Variants in MUSK observed in about 807,000 individuals in gnomAD.
The protein encoded by MUSK is muscle, skeletal receptor tyrosine-protein kinase.
Under a neutral mutation model 88.7 loss-of-function variants are expected in MUSK, and 55 were observed. That is an observed-to-expected ratio of 0.62 (90% CI 0.50 to 0.78). The LOEUF (loss-of-function observed/expected upper bound fraction) is 0.78, where lower values mean the gene tolerates loss of function less well. MUSK is among the 30% of genes least tolerant of loss of function. The pLI, the probability that MUSK is intolerant of heterozygous loss-of-function variation, is 0.00. For missense variants in MUSK, 1,015 were observed against 1,074.3 expected, an observed-to-expected ratio of 0.94 and a Z score of 0.77; for synonymous variants, 387 against 391.9, an observed-to-expected ratio of 0.99 and a Z score of 0.15.
chr9:110,718,570 A>C (rs1273620222), intron 5 of MUSK, among the ~76,000 whole-genome samples: 1 of 152,126 alleles, frequency 6.6e-6, no homozygotes. Context: ...AGCCTCCAAG[A>C]AGTTTAGGAC....
chr9:110,756,841 G>C (rs183792300), intron 7 of MUSK, among the ~76,000 whole-genome samples: 1 of 150,022 alleles, frequency 6.7e-6, no homozygotes. Context: ...ATGTCAAGTT[G>C]TATGTGTGTG....
At chr9:110,764,053 G>C (rs2077438996) in intron 8 of MUSK, among the ~76,000 whole-genome samples, 1 of 152,180 alleles carries the variant, frequency 6.6e-6, no homozygotes, top group Non-Finnish European at 1.5e-5. Flanking sequence ...TGAAAGAGAA[G>C]TCAACTGAGT....
chr9:110,684,103 C>T (rs1258195613), intron 2 of MUSK, among the ~76,000 whole-genome samples: 1 of 152,028 alleles, frequency 6.6e-6, no homozygotes, highest in African/African-American at 2.4e-5. Flanking sequence ...GGAGTAGTTT[C>T]ATAGATTGAA....
chr9:110,778,464 C>T (rs551128466), intron 11 of MUSK, among the ~76,000 whole-genome samples: 1 of 152,178 alleles, frequency 6.6e-6, no homozygotes, highest in South Asian at 2.1e-4. Context: ...TTCCTTCCAT[C>T]TTTGCTCTTT....
At position 110,802,811 on chromosome 9, in the gene MUSK, C is replaced by T. The variant is rs2078113331; in HGVS notation, c.*1823C>T. On this transcript the variant is annotated 3_prime_UTR_variant, in exon 15 of 15. Coordinates refer to ENST00000374448, the MANE Select transcript of MUSK (RefSeq NM_005592.4). ...AGGATACAACGACAGTAAGGCGGTC[C>T]TTAGTCACAGTTCTGGTTCATAAAT... Among the ~76,000 whole-genome samples the T allele has an allele frequency of 2.6e-5, 4 of 152,160 alleles. No individual in the cohort carries two copies. In the South Asian group the frequency reaches 8.3e-4, roughly 32 times the overall value.
intron 7 of MUSK, chr9:110,748,124 C>T (rs1015916739): frequency 6.9e-5 from 29 of 420,722 alleles, no homozygotes; most frequent in African/African-American, 3.4e-4. Flanking sequence ...TTCCCTCCCT[C>T]GCTCCCTTTT....
intron 4 of MUSK, among the ~76,000 whole-genome samples, chr9:110,696,941 C>T (rs1195373694): frequency 6.6e-6 from 1 of 151,290 alleles, no homozygotes; most frequent in Non-Finnish European, 1.5e-5. Context: ...TATGTCTCAC[C>T]ACCCCACTCT....
At chr9:110,765,176 T>C (rs1022077350) in intron 8 of MUSK, among the ~76,000 whole-genome samples, 15 of 152,190 alleles carry the variant, frequency 9.9e-5, no homozygotes, top group African/African-American at 2.7e-4. Context: ...AACAGCATCA[T>C]TGAATAGTTA....
chr9:110,711,619 G>A (rs1001634947), intron 5 of MUSK, among the ~76,000 whole-genome samples: 1 of 152,154 alleles, frequency 6.6e-6, no homozygotes, highest in Non-Finnish European at 1.5e-5. Flanking sequence ...ATAGAAGCTT[G>A]CAGAAGACCA....
At chr9:110,781,239 A>C (rs2077749465) in intron 11 of MUSK, among the ~76,000 whole-genome samples, 1 of 147,020 alleles carries the variant, frequency 6.8e-6, no homozygotes, top group Admixed American at 6.8e-5. Flanking sequence ...CATCCCACAC[A>C]CACGTTTGTG....
intron 6 of MUSK, among the ~76,000 whole-genome samples, chr9:110,740,800 G>A (rs2077087194): frequency 1.3e-5 from 2 of 152,108 alleles, no homozygotes; most frequent in Admixed American, 1.3e-4. Flanking sequence ...CGGAAGACTG[G>A]GAGTGAAGTT....
Position 110,687,240 on chromosome 9 carries a change from G to A in MUSK, c.330G>A (p.Glu110=). 6 of 1,613,870 alleles carry A rather than the reference G, an allele frequency of 3.7e-6. No individual in the cohort carries two copies. The highest frequency in any genetic ancestry group is 5.1e-6 in the Non-Finnish European group (6 of 1,179,818). The change falls in exon 3 of 15, where the codon GAG becomes GAA. Residue 110 remains glutamate, a synonymous_variant. Transcript: ENST00000374448. ...TANNGVGGAV[E]SCGALQVKMK... is the part of the protein sequence containing the mutation. ...ACAATGGTGTGGGAGGAGCTGTGGA[G>A]AGTTGTGGAGCCCTGCAAGTGAAGA...
At chr9:110,778,681 C>A in intron 11 of MUSK, among the ~76,000 whole-genome samples, 1 of 151,912 alleles carries the variant, frequency 6.6e-6, no homozygotes, top group East Asian at 1.9e-4. Context: ...AGGTGATAAG[C>A]CAGAATTTGA....
chr9:110,702,701 T>C (rs2076546655), intron 5 of MUSK, among the ~76,000 whole-genome samples: 1 of 151,938 alleles, frequency 6.6e-6, no homozygotes, highest in South Asian at 2.1e-4. Flanking sequence ...GAGACCAACC[T>C]GGGCGACATG....
At chr9:110,729,319 T>C (rs2076932699) in intron 5 of MUSK, among the ~76,000 whole-genome samples, 1 of 114,960 alleles carries the variant, frequency 8.7e-6, no homozygotes, top group Non-Finnish European at 1.8e-5. Flanking sequence ...ACAGTTTCTG[T>C]TTTCTGTAAA....
Position 110,783,169 on chromosome 9 carries a change from T to G in MUSK, c.1385-1646T>G, listed in dbSNP as rs2077791129. Among the ~76,000 whole-genome samples the G allele has an allele frequency of 3.9e-5, 6 of 152,210 alleles. No individual in the cohort carries two copies. The South Asian group carries it at 1.2e-3, about 32-fold the overall frequency. On this transcript the variant is annotated intron_variant, in intron 11 of 14. Coordinates refer to ENST00000374448, the MANE Select transcript of MUSK (RefSeq NM_005592.4). ...TTCTATTAAATCATTATTCTCTGACTATGATGTAGTCAGTTGCTAATATTT... is the reference window on the plus strand; with the variant it reads ...TTCTATTAAATCATTATTCTCTGACGATGATGTAGTCAGTTGCTAATATTT...
intron 3 of MUSK, among the ~76,000 whole-genome samples, chr9:110,694,969 A>T (rs1042452043): frequency 2.0e-5 from 3 of 152,132 alleles, no homozygotes; most frequent in Non-Finnish European, 4.4e-5. Flanking sequence ...GATGGAAGCT[A>T]AAGGGAAAAT....
chr9:110,738,406 C>A (rs1447721444), intron 6 of MUSK, among the ~76,000 whole-genome samples: 1 of 152,072 alleles, frequency 6.6e-6, no homozygotes, highest in Non-Finnish European at 1.5e-5. Flanking sequence ...TTCAGCAGAG[C>A]AAGTTCTTTT....
rs1167321143 is a variant in MUSK at position 110,775,961 on chromosome 9, T to G, written c.1358T>G (p.Leu453Arg). 2.5e-6 allele frequency: 4 copies of G among 1,608,696 alleles called. No homozygotes were observed. In the East Asian group the frequency reaches 6.7e-5, roughly 27 times the overall value. Residue 453 changes from leucine to arginine, a missense_variant and splice_region_variant, in exon 10 of 15, where the codon CTA becomes CGA. Physicochemically the swap from Leu to Arg is moderately radical, Grantham distance 102. Transcript: ENST00000374448. Reference protein sequence around the residue: ...DPTACARLPHLDYNKENLKTF... With the variant: ...DPTACARLPHRDYNKENLKTF... ...ACGGCCTGTGCCAGACTGCCACATC[T>G]AGGTAACACAGAGTTCTCCCAAGAC...
Sources: allele counts gnomAD v4.1 joint callset (sites outside exome capture counted in the v4.1 genomes callset), GRCh38; gene constraint gnomAD v4.1.1; transcripts MANE v1.5; gene names NCBI Gene and HGNC (gene_info 2026-07-23, HGNC 2026-07-21).